The following TUSC3 variants were observed in gnomAD, a reference collection of about 807,000 sequenced individuals.
TUSC3 encodes the protein tumor suppressor candidate 3, also known as dolichyl-diphosphooligosaccharide--protein glycosyltransferase subunit TUSC3.
A neutral mutation model predicts 44.8 loss-of-function variants in TUSC3; 45 were observed. The observed-to-expected ratio is 1.00, with a 90% CI of 0.79 to 1.29. The LOEUF is 1.29. TUSC3 is among the 50% of genes most tolerant of loss of function. The pLI is 0.00. For missense variants in TUSC3, 519 were observed against 437.9 expected, an observed-to-expected ratio of 1.19 and a Z score of -1.65; for synonymous variants, 212 against 152.9, an observed-to-expected ratio of 1.39 and a Z score of -2.85.
At chr8:15,563,596 G>A (rs111463071) in intron 1 of TUSC3, among the ~76,000 whole-genome samples, 1 of 146,652 alleles carries the variant, frequency 6.8e-6, no homozygotes. Flanking sequence ...TGAGGCAGAA[G>A]AATTGCTTGA....
At chr8:15,754,380 A>G (rs1364530950) in intron 9 of TUSC3, among the ~76,000 whole-genome samples, 2 of 152,192 alleles carry the variant, frequency 1.3e-5, no homozygotes, top group Non-Finnish European at 2.9e-5. Flanking sequence ...TAGTTTCTCA[A>G]CCAAGACTCT....
At chr8:15,420,225 G>A (rs181044397) in intron 1 of TUSC3, among the ~76,000 whole-genome samples, 73 of 152,126 alleles carry the variant, frequency 4.8e-4, no homozygotes, top group Middle Eastern at 3.4e-3. Context: ...GGCCAGGTAC[G>A]ATGGTTCATG....
chr8:15,494,465 A>T (rs1055499274), intron 2 of TUSC3, among the ~76,000 whole-genome samples: 4 of 151,934 alleles, frequency 2.6e-5, no homozygotes, highest in Non-Finnish European at 5.9e-5. Context: ...CTACAGGCGC[A>T]TGCCACCATG....
chr8:15,434,226 C>T (rs1003112041), intron 1 of TUSC3, among the ~76,000 whole-genome samples: 6 of 148,246 alleles, frequency 4.0e-5, no homozygotes, highest in Non-Finnish European at 7.5e-5. Context: ...TATGTATTTG[C>T]CATTTGTACA....
chr8:15,627,082 A>T (rs903255850), intron 2 of TUSC3, among the ~76,000 whole-genome samples: 2 of 152,228 alleles, frequency 1.3e-5, no homozygotes, highest in Non-Finnish European at 2.9e-5. Flanking sequence ...TCTGGCCCAT[A>T]AAAACCTCAG....
At chr8:15,689,290 T>A (rs776550050) in intron 6 of TUSC3, 6 of 333,614 alleles carry the variant, frequency 1.8e-5, no homozygotes, top group Non-Finnish European at 3.0e-5. Context: ...AATTGTCTCT[T>A]GGACCATTAC....
the TUSC3 span, among the ~76,000 whole-genome samples, chr8:15,843,621 T>TATATATATATATATATACAC: frequency 2.9e-4 from 43 of 146,760 alleles, no homozygotes; most frequent in African/African-American, 1.1e-3. Context: ...TATATATATA[T>TATATATATATATATATACAC]ACACGCACAT....
the TUSC3 span, among the ~76,000 whole-genome samples, chr8:15,847,590 G>C: frequency 6.6e-6 from 1 of 152,140 alleles, no homozygotes. Context: ...GTAATGGAAA[G>C]GGTAGGGATT....
At chr8:15,492,095 A>G (rs534579747) in intron 2 of TUSC3, among the ~76,000 whole-genome samples, 3 of 152,192 alleles carry the variant, frequency 2.0e-5, no homozygotes, top group African/African-American at 4.8e-5. Flanking sequence ...TTTGTAAACC[A>G]TTTGTTGAGT....
chr8:15,433,105 G>T, intron 1 of TUSC3, among the ~76,000 whole-genome samples: 1 of 152,100 alleles, frequency 6.6e-6, no homozygotes, highest in Non-Finnish European at 1.5e-5. Context: ...CTCTGTCCCT[G>T]CATTTGCTAG....
chr8:15,768,787 T>C (rs114984473), downstream of TUSC3, among the ~76,000 whole-genome samples: 1,203 of 152,152 alleles, frequency 7.9e-3, 10 homozygotes, highest in Middle Eastern at 0.02. Context: ...AGAATTTCTA[T>C]ATCCCAATAA....
chr8:15,551,595 A>C (rs201983402), intron 1 of TUSC3, among the ~76,000 whole-genome samples: 2 of 151,746 alleles, frequency 1.3e-5, no homozygotes, highest in East Asian at 3.9e-4. Context: ...CAAAGCCATA[A>C]ATTAAATCAG....
At chr8:15,641,381 A>G (rs34315998) in intron 2 of TUSC3, among the ~76,000 whole-genome samples, 2 of 146,826 alleles carry the variant, frequency 1.4e-5, no homozygotes, top group African/African-American at 5.0e-5. Flanking sequence ...AAAAAAAAAG[A>G]AAAGTTGCAT....
chr8:15,468,128 A>T (rs1216733301), intron 1 of TUSC3, among the ~76,000 whole-genome samples: 4 of 152,222 alleles, frequency 2.6e-5, no homozygotes, highest in Non-Finnish European at 5.9e-5. Context: ...GTCTCTCCTG[A>T]AAAGCAGAAT....
chr8:15,793,390 G>A, the TUSC3 span, among the ~76,000 whole-genome samples: 2 of 152,060 alleles, frequency 1.3e-5, no homozygotes, highest in Admixed American at 6.5e-5. Context: ...CTTGCACACA[G>A]CATAGCACAC....
intron 1 of TUSC3, among the ~76,000 whole-genome samples, chr8:15,614,246 G>A (rs962050802): frequency 1.3e-5 from 2 of 151,298 alleles, no homozygotes; most frequent in African/African-American, 2.4e-5. Context: ...AGGCTGAGAT[G>A]GGGGTCTTTA....
At chr8:15,489,656 C>G (rs1216220642) in intron 2 of TUSC3, among the ~76,000 whole-genome samples, 3 of 152,142 alleles carry the variant, frequency 2.0e-5, no homozygotes, top group Non-Finnish European at 4.4e-5. Context: ...AATTTGGTAT[C>G]TCACTGCCAC....
intron 1 of TUSC3, 110 bp downstream of exon 1, chr8:15,540,678 G>A (rs1324461270): frequency 2.2e-6 from 3 of 1,379,390 alleles, no homozygotes; most frequent in Middle Eastern, 2.5e-4. Context: ...CGGCGTGGGC[G>A]ATGCCGGCGC....
chr8:15,453,949 C>G (rs771717854), intron 1 of TUSC3, among the ~76,000 whole-genome samples: 21 of 152,166 alleles, frequency 1.4e-4, no homozygotes, highest in Non-Finnish European at 4.4e-5. Context: ...CAAGTGGGCT[C>G]AAGCATGTAC....
Sources: allele counts gnomAD v4.1 joint callset (sites outside exome capture counted in the v4.1 genomes callset), GRCh38; gene constraint gnomAD v4.1.1; transcripts MANE v1.5; gene names NCBI Gene and HGNC (gene_info 2026-07-23, HGNC 2026-07-21).